The following VOPP1 variants were observed in gnomAD, a reference collection of about 807,000 sequenced individuals.
VOPP1 encodes the protein VOPP1 WW domain binding protein, also known as WW domain binding protein VOPP1.
VOPP1 carries 8 observed loss-of-function variants against 23.5 expected under a neutral mutation model. The ratio of observed to expected loss-of-function variants is 0.34; its 90% CI spans 0.20 to 0.61. The LOEUF is 0.61. VOPP1 is among the 20% of genes least tolerant of loss of function. VOPP1 has a pLI of 0.78. For missense variants in VOPP1, 174 were observed against 238.1 expected (o/e 0.73, Z 1.77); for synonymous variants, 83 against 97.3 (o/e 0.85, Z 0.86).
At chr7:55,485,408 G>A (rs1323175372) in intron 4 of VOPP1, among the ~76,000 whole-genome samples, 3 of 152,330 alleles carry the variant, frequency 2.0e-5, no homozygotes, top group South Asian at 2.1e-4. Context: ...ACTGAAAGTC[G>A]ATTTAAGGTT....
chr7:55,549,416 C>A (rs1380477803), intron 1 of VOPP1, among the ~76,000 whole-genome samples: 2 of 152,202 alleles, frequency 1.3e-5, no homozygotes, highest in Non-Finnish European at 2.9e-5. Flanking sequence ...CCCCCAAATC[C>A]GTAGCCAGTC....
chr7:55,454,490 CA>C (rs1791318241), intron 4 of VOPP1, among the ~76,000 whole-genome samples: 1 of 152,070 alleles, frequency 6.6e-6, no homozygotes, highest in African/African-American at 2.4e-5. Flanking sequence ...GGCAGAGACA[CA>C]ACAAAAAAAG....
rs893253975 is a variant in VOPP1, at chr7:55,473,150, G to A, written c.329-105C>T. The A allele has an allele frequency of 4.7e-6, 7 of 1,485,358 alleles. No individual in the cohort carries two copies. In the African/African-American group the frequency reaches 8.7e-5, roughly 18 times the overall value. The allele number at this position is 1,485,358 out of a possible 1,614,324, so 92.0% of individuals were successfully genotyped here. ...CAGACCACGCCCCGTCATTCACTCA[G>A]CGACAGTGTATGAAGGACCCAACAT... On this transcript the variant is annotated intron_variant, in intron 4 of 4. Transcript: ENST00000285279.
At chr7:55,521,030 T>C (rs370461057) in intron 2 of VOPP1, 42 bp downstream of exon 2, 1 of 1,544,142 alleles carries the variant, frequency 6.5e-7, no homozygotes, top group Middle Eastern at 1.7e-4. Flanking sequence ...CAGAGAAAGG[T>C]ATGGCCACAG....
chr7:55,502,289 C>G (rs1362742204), intron 2 of VOPP1, among the ~76,000 whole-genome samples: 1 of 152,236 alleles, frequency 6.6e-6, no homozygotes, highest in Non-Finnish European at 1.5e-5. Context: ...ACAAGTTCCT[C>G]TTTGTTGGCA....
At chr7:55,473,187 G>A in intron 4 of VOPP1, 142 bp from the exon 5 acceptor site, 1 of 1,313,582 alleles carries the variant, frequency 7.6e-7, no homozygotes, top group South Asian at 1.8e-5. Flanking sequence ...CCCGGTGAGG[G>A]GGCACCTGGG....
intron 4 of VOPP1, among the ~76,000 whole-genome samples, chr7:55,478,782 C>A (rs1005073018): frequency 6.6e-6 from 1 of 152,248 alleles, no homozygotes; most frequent in Non-Finnish European, 1.5e-5. Flanking sequence ...ATTCTAGCCA[C>A]CGAGGAATGC....
At chr7:55,446,054 A>G (rs1583791045) in intron 4 of VOPP1, among the ~76,000 whole-genome samples, 1 of 147,272 alleles carries the variant, frequency 6.8e-6, no homozygotes, top group South Asian at 2.1e-4. Context: ...GTGCAGTGGC[A>G]TGATCTCGGC....
chr7:55,557,313 T>C (rs1183939844), intron 1 of VOPP1, among the ~76,000 whole-genome samples: 1 of 152,130 alleles, frequency 6.6e-6, no homozygotes, highest in Non-Finnish European at 1.5e-5. Flanking sequence ...GTGGGAAGGC[T>C]GCACAGATGA....
At chr7:55,567,088 C>T (rs769891380) in intron 1 of VOPP1, among the ~76,000 whole-genome samples, 9 of 152,208 alleles carry the variant, frequency 5.9e-5, no homozygotes, top group Non-Finnish European at 8.8e-5. Context: ...TAGAGGTGCT[C>T]TGCTGCCCTC....
intron 4 of VOPP1, among the ~76,000 whole-genome samples, chr7:55,438,060 C>A (rs1190645669): frequency 2.6e-5 from 4 of 151,974 alleles, no homozygotes; most frequent in African/African-American, 9.7e-5. Context: ...CCCAACCTCA[C>A]CCGGCTAATT....
intron 1 of VOPP1, among the ~76,000 whole-genome samples, chr7:55,534,140 T>TC (rs1796647630): frequency 6.6e-6 from 1 of 150,936 alleles, no homozygotes; most frequent in Admixed American, 6.6e-5. Flanking sequence ...GCTTTTTTTT[T>TC]TTTTTTACGA....
At position 55,572,465 on chromosome 7, in the gene VOPP1, G is replaced by A. The variant is rs1204395986; in HGVS notation, c.-141C>T. ...CTGGGGGGCCCGGCTGGGAGCGGGCGGGAGCCGGGGCGCGCCGCGCAGCCC... is the reference window on the plus strand; with the variant it reads ...CTGGGGGGCCCGGCTGGGAGCGGGCAGGAGCCGGGGCGCGCCGCGCAGCCC... On this transcript the variant is annotated 5_prime_UTR_variant, in exon 1 of 5. Transcript: ENST00000285279. 2.0e-5 allele frequency: 9 copies of A among 453,908 alleles called. No individual in the cohort carries two copies. The highest frequency in any genetic ancestry group is 2.6e-5 in the Non-Finnish European group (9 of 345,670). 28.1% of individuals were successfully genotyped at this position (453,908 alleles called of 1,614,324 possible).
intron 4 of VOPP1, among the ~76,000 whole-genome samples, chr7:55,441,935 C>T (rs1011316674): frequency 3.9e-5 from 6 of 152,192 alleles, no homozygotes; most frequent in African/African-American, 1.4e-4. Flanking sequence ...TCCCAGTGGC[C>T]TACTCAAGGG....
chr7:55,485,214 C>T (rs958763303), intron 4 of VOPP1, among the ~76,000 whole-genome samples: 3 of 152,166 alleles, frequency 2.0e-5, no homozygotes, highest in East Asian at 1.9e-4. Context: ...TCATCACGTG[C>T]GCAGGTCTCA....
At chr7:55,559,214 A>G (rs1468757009) in intron 1 of VOPP1, among the ~76,000 whole-genome samples, 2 of 152,194 alleles carry the variant, frequency 1.3e-5, no homozygotes, top group Non-Finnish European at 2.9e-5. Context: ...AAAGGTACTG[A>G]TTCTAGTGGT....
chr7:55,472,793 C>G lies in VOPP1; in HGVS notation c.*62G>C. The G allele has an allele frequency of 2.4e-6, 2 of 833,562 alleles. No homozygotes were observed. Among genetic ancestry groups the G allele is most frequent in the South Asian group, 4.9e-5 (2 of 40,746 alleles). The allele number at this position is 833,562 out of a possible 1,614,324, so 51.6% of individuals were successfully genotyped here. A position where few individuals can be genotyped will look rare whatever the true frequency, so the allele number is the denominator to read the frequency against. ...GACCGTTCCTGGAAGTGAACATCAA[C>G]GAAGACAGAAAGGCCAGGGAAAGGC... On this transcript the variant is annotated 3_prime_UTR_variant, in exon 5 of 5. Transcript: ENST00000285279.
At chr7:55,524,024 G>T (rs1358273120) in intron 1 of VOPP1, among the ~76,000 whole-genome samples, 1 of 152,134 alleles carries the variant, frequency 6.6e-6, no homozygotes, top group Non-Finnish European at 1.5e-5. Flanking sequence ...TTAGGCCAGG[G>T]GCAACTAAGC....
intron 4 of VOPP1, among the ~76,000 whole-genome samples, chr7:55,477,164 A>C (rs1338877019): frequency 6.6e-6 from 1 of 152,172 alleles, no homozygotes; most frequent in Non-Finnish European, 1.5e-5. Flanking sequence ...TTCCCAGCTG[A>C]GCAGGCACCC....
Sources: allele counts gnomAD v4.1 joint callset (sites outside exome capture counted in the v4.1 genomes callset), GRCh38; gene constraint gnomAD v4.1.1; transcripts MANE v1.5; gene names NCBI Gene and HGNC (gene_info 2026-07-23, HGNC 2026-07-21).